ATP7A: variants seen among roughly 807,000 people sequenced by gnomAD.
ATP7A encodes the protein ATPase copper transporting alpha.
In ATP7A, 7 loss-of-function variants were observed where a neutral mutation model predicts 83.5. That is an observed-to-expected ratio of 0.08 (90% CI 0.05 to 0.16). The LOEUF (loss-of-function observed/expected upper bound fraction) is 0.16. ATP7A is among the 10% of genes least tolerant of loss of function. ATP7A has a pLI of 1.00. For synonymous variants in ATP7A, 354 were observed against 395.2 expected, an observed-to-expected ratio of 0.90 and a Z score of 1.24; for missense variants, 940 against 1,120.8, an observed-to-expected ratio of 0.84 and a Z score of 2.30.
At chrX:77,957,221 A>G (rs782648740) in intron 1 of ATP7A, among the ~76,000 whole-genome samples, 1 of 111,338 alleles carries the variant, frequency 9.0e-6, no homozygotes, top group South Asian at 3.8e-4. Flanking sequence ...TCTTTTGGTC[A>G]TTTTTAAAAA....
chrX:77,937,621 T>C (rs1341687251), intron 1 of ATP7A, among the ~76,000 whole-genome samples: 2 of 112,020 alleles, frequency 1.8e-5, no homozygotes, highest in African/African-American at 6.5e-5. Flanking sequence ...TGGAATATAC[T>C]CCTTGATTCG....
chrX:77,926,944 C>G (rs1557223643), intron 1 of ATP7A, among the ~76,000 whole-genome samples: 1 of 110,849 alleles, frequency 9.0e-6, no homozygotes. Context: ...CTCAAGTGAT[C>G]CTCCTGCCTC....
chrX:78,022,802 G>A (rs1835960128), intron 14 of ATP7A, among the ~76,000 whole-genome samples: 1 of 110,937 alleles, frequency 9.0e-6, no homozygotes, highest in South Asian at 3.8e-4. Context: ...ACAGGCATGA[G>A]CCACTGTGCC....
chrX:77,932,257 A>C (rs1221237883), intron 1 of ATP7A, among the ~76,000 whole-genome samples: 1 of 81,927 alleles, frequency 1.2e-5, no homozygotes, highest in Non-Finnish European at 2.4e-5. Context: ...CGCTCCTCAC[A>C]TCCCAGACGG....
intron 1 of ATP7A, among the ~76,000 whole-genome samples, chrX:77,947,737 ATTT>A (rs782600933): frequency 1.6e-5 from 1 of 61,716 alleles, no homozygotes. Context: ...TGCCTGGCCA[ATTT>A]TTTTTTTTTT....
chrX:78,015,713 A>C (rs2077857812), intron 11 of ATP7A, 41 bp from the exon 12 acceptor site: 4 of 1,209,307 alleles, frequency 3.3e-6, no homozygotes, highest in Admixed American at 2.2e-5. Context: ...CAGGGTAGGA[A>C]GCATATTATC....
At chrX:77,998,408 G>C in intron 4 of ATP7A, 70 bp from the exon 5 acceptor site, 1 of 1,045,721 alleles carries the variant, frequency 9.6e-7, no homozygotes, top group East Asian at 3.0e-5. Context: ...GGTATGGATT[G>C]TGATGCAAGG....
intron 1 of ATP7A, among the ~76,000 whole-genome samples, chrX:77,921,593 A>T (rs958354077): frequency 1.2e-4 from 13 of 112,077 alleles, no homozygotes; most frequent in Non-Finnish European, 1.9e-5. Flanking sequence ...GTTGCTGTGA[A>T]CATTTAATTA....
chrX:77,931,729 A>C (rs1289304513), intron 1 of ATP7A, among the ~76,000 whole-genome samples: 1 of 71,194 alleles, frequency 1.4e-5, no homozygotes, highest in African/African-American at 5.5e-5. Context: ...GGGCAGAGGC[A>C]CCCCTCACCT....
intron 4 of ATP7A, among the ~76,000 whole-genome samples, chrX:77,994,684 C>T (rs1260527985): frequency 9.0e-6 from 1 of 110,752 alleles, no homozygotes; most frequent in Non-Finnish European, 1.9e-5. Flanking sequence ...GGACTATAGG[C>T]GTGTACCACC....
Position 78,012,966 on chromosome X carries a change from A to G in ATP7A, c.2260A>G (p.Thr754Ala). 8.3e-7 allele frequency: 1 copy of G among 1,211,619 alleles called. No homozygotes were observed. Among genetic ancestry groups the G allele is most frequent in the Non-Finnish European group, 1.1e-6 (1 of 895,287 alleles). ...ANMDVLIVLA[T>A]TIAFAYSLII... is the part of the protein sequence containing the mutation. ...TATGGACGTACTGATTGTGCTGGCAACCACCATTGCATTTGCCTACTCTTT... is the reference window on the plus strand; with the variant it reads ...TATGGACGTACTGATTGTGCTGGCAGCCACCATTGCATTTGCCTACTCTTT... The change falls in exon 10 of 23, where the codon ACC becomes GCC. Residue 754 changes from threonine (T) to alanine (A), a missense_variant. Around this residue, in one of 3 missense-constraint regions of ATP7A, gnomAD observed 204 missense variants for 185.8 expected, o/e 1.10. Transcript: ENST00000341514.
intron 7 of ATP7A, among the ~76,000 whole-genome samples, chrX:78,010,340 C>G (rs1391448638): frequency 1.8e-5 from 2 of 111,970 alleles, no homozygotes; most frequent in Admixed American, 9.5e-5. Flanking sequence ...CATGCTTGTT[C>G]TATTCACTGT....
rs782524736 is a variant in ATP7A at position 77,952,654 on chromosome X, A to T, written c.-21-18967A>T. The stretch of plus-strand genomic sequence containing the variant: ...TCATTATTTTTTAGTAATGACTTTT[A>T]TAAAATTAATGGTATACTTGAAATG... On this transcript the variant is annotated intron_variant, in intron 1 of 22. Coordinates refer to ENST00000341514, the MANE Select transcript of ATP7A (RefSeq NM_000052.7). Among the ~76,000 whole-genome samples, 8 of 111,873 alleles carry T rather than the reference A, an allele frequency of 7.2e-5. No homozygotes were observed. In the South Asian group the frequency reaches 3.0e-3, roughly 41 times the overall value.
intron 1 of ATP7A, among the ~76,000 whole-genome samples, chrX:77,956,726 CCTTTCTTTCTTTCTTTCTTTCTT>C (rs1385611613): frequency 1.4e-5 from 1 of 73,777 alleles, no homozygotes; most frequent in South Asian, 7.6e-4. Flanking sequence ...TACCCAGTCT[CCTTTCTTTCTTTCTTTCTTTCTT>C]TCTTTCTTTC....
chrX:78,020,217 T>G (rs2077895565), intron 12 of ATP7A, 27 bp from the exon 13 acceptor site: 1 of 1,202,486 alleles, frequency 8.3e-7, no homozygotes, highest in African/African-American at 1.7e-5. Flanking sequence ...TTTATGCTCC[T>G]TAAATCTATC....
chrX:78,011,303 A>C (rs369657177), intron 8 of ATP7A, 51 bp downstream of exon 8: 95 of 1,147,901 alleles, frequency 8.3e-5, no homozygotes, highest in Non-Finnish European at 8.3e-6. Context: ...CCTTATTACA[A>C]ATTTTTTTTT....
At chrX:77,923,231 AT>A (rs2077224641) in intron 1 of ATP7A, 1 of 111,736 alleles carries the variant, frequency 8.9e-6, no homozygotes, top group Non-Finnish European at 1.9e-5. Flanking sequence ...TGTTGTTGTT[AT>A]TTTCTGCTAT....
At position 78,038,985 on chromosome X, in the gene ATP7A, A is replaced by G. The variant is rs1557238030; in HGVS notation, c.3658+3A>G. ...TGCTGTATTAGTAGCAGTTGATGGT[A>G]AGGTTTTCCATAAGTATGCTATAAC... On this transcript the variant is annotated splice_donor_region_variant and intron_variant, in intron 18 of 22. Transcript: ENST00000341514. 2 of 1,208,846 alleles carry G rather than the reference A, an allele frequency of 1.7e-6. No homozygotes were observed. Among genetic ancestry groups the G allele is most frequent in the Non-Finnish European group, 1.1e-6 (1 of 892,948 alleles).
At chrX:77,956,917 C>T (rs1483895350) in intron 1 of ATP7A, among the ~76,000 whole-genome samples, 1 of 108,688 alleles carries the variant, frequency 9.2e-6, no homozygotes, top group Non-Finnish European at 1.9e-5. Context: ...CCCACCTCAG[C>T]CCCCAGGTAG....
Sources: gnomAD v4.1 joint callset for allele counts (sites outside exome capture counted in the v4.1 genomes callset) on GRCh38, gnomAD v4.1.1 for gene constraint, gnomAD v4.1.1 regional missense constraint, MANE v1.5 for transcripts, NCBI Gene and HGNC (gene_info 2026-07-23, HGNC 2026-07-21) for gene names.